The following TNNI3K variants were observed in gnomAD, a reference collection of about 807,000 sequenced individuals.
TNNI3K encodes serine/threonine-protein kinase TNNI3K.
In TNNI3K, 140 loss-of-function variants were observed where a neutral mutation model predicts 114.5. That is an observed-to-expected ratio of 1.22 (90% confidence interval 1.07 to 1.41). The LOEUF (loss-of-function observed/expected upper bound fraction) is 1.41. Ranked by LOEUF, TNNI3K falls within the 40% of genes most tolerant of loss-of-function variation. The pLI, the probability that TNNI3K is intolerant of heterozygous loss-of-function variation, is 0.00. For missense variants in TNNI3K, 1,125 were observed against 1,007.6 expected (o/e 1.12, Z -1.58); for synonymous variants, 347 against 347.5 (o/e 1.00, Z 0.02).
chr1:74,261,088 T>C (rs1482965740), intron 4 of TNNI3K, among the ~76,000 whole-genome samples: 1 of 152,092 alleles, frequency 6.6e-6, no homozygotes, highest in Non-Finnish European at 1.5e-5. Flanking sequence ...CAGCTTTTTC[T>C]TTGCTGCTTC....
chr1:74,257,759 C>T (rs1477849340), intron 4 of TNNI3K, among the ~76,000 whole-genome samples: 3 of 149,778 alleles, frequency 2.0e-5, no homozygotes, highest in Non-Finnish European at 4.4e-5. Flanking sequence ...AGCTCCGCCT[C>T]CCGGTTCAAG....
Position 74,409,773 on chromosome 1 carries a change from C to T in TNNI3K, c.1773-26307C>T, listed in dbSNP as rs141722968. On this transcript the variant is annotated intron_variant, in intron 17 of 24. Transcript: ENST00000326637. The stretch of plus-strand genomic sequence containing the variant: ...CCACCCAAAGTGCAGGGATTACAGG[C>T]GTGAGCCACCACGCCCACCTTTTCT... Among the ~76,000 whole-genome samples the T allele has an allele frequency of 5.7e-3, 866 of 152,194 alleles. 8 individuals are homozygous for T. The highest frequency in any genetic ancestry group is 0.02 in the African/African-American group (819 of 41,558).
At chr1:74,417,790 A>G (rs1557553664) in intron 17 of TNNI3K, among the ~76,000 whole-genome samples, 1 of 151,878 alleles carries the variant, frequency 6.6e-6, no homozygotes, top group Non-Finnish European at 1.5e-5. Flanking sequence ...GGAAGTAAAT[A>G]TCTCAAAATA....
intron 23 of TNNI3K, among the ~76,000 whole-genome samples, chr1:74,493,755 T>C (rs983757202): frequency 6.6e-6 from 1 of 152,200 alleles, no homozygotes; most frequent in African/African-American, 2.4e-5. Flanking sequence ...GGGTATATTC[T>C]TCTCACAGAC....
chr1:74,391,957 A>ATTATTTTTTTTTTTTTTTTTTTTTTT (rs1369570973), intron 17 of TNNI3K, among the ~76,000 whole-genome samples: 2 of 92,990 alleles, frequency 2.2e-5, no homozygotes, highest in Non-Finnish European at 2.2e-5. Flanking sequence ...ACAGCTTATT[A>ATTATTTTTTTTTTTTTTTTTTTTTTT]TTTTTTTTTT....
intron 23 of TNNI3K, among the ~76,000 whole-genome samples, chr1:74,527,724 G>A (rs1055541587): frequency 1.3e-5 from 2 of 152,202 alleles, no homozygotes; most frequent in Non-Finnish European, 2.9e-5. Flanking sequence ...AATCTGATTA[G>A]CATTTTAAAA....
intron 4 of TNNI3K, among the ~76,000 whole-genome samples, chr1:74,259,767 G>C (rs1655557002): frequency 6.6e-6 from 1 of 152,086 alleles, no homozygotes; most frequent in South Asian, 2.1e-4. Context: ...GCAAGACCCT[G>C]TCTCAAAAAC....
chr1:74,536,123 G>C (rs142206400), intron 23 of TNNI3K, among the ~76,000 whole-genome samples: 3 of 152,218 alleles, frequency 2.0e-5, no homozygotes, highest in African/African-American at 7.2e-5. Flanking sequence ...TTTGTAGGCT[G>C]TCTTACTCCT....
intron 11 of TNNI3K, among the ~76,000 whole-genome samples, chr1:74,354,617 AT>A (rs1661562482): frequency 6.6e-6 from 1 of 152,204 alleles, no homozygotes; most frequent in Non-Finnish European, 1.5e-5. Context: ...TAAGTATAAA[AT>A]TATCTGAGCT....
Position 74,413,285 on chromosome 1 carries a change from A to G in TNNI3K, c.1773-22795A>G, listed in dbSNP as rs191604784. Among the ~76,000 whole-genome samples, 3 of 152,358 alleles carry G rather than the reference A, an allele frequency of 2.0e-5. No homozygotes were observed. The East Asian group carries it at 5.8e-4, about 29-fold the overall frequency. Reference sequence around the variant, plus strand: ...TGAAACAAATGAGAAATTCCTGGATATTAGTATAGAACAACATTAAATATA... The same window carrying G: ...TGAAACAAATGAGAAATTCCTGGATGTTAGTATAGAACAACATTAAATATA... On this transcript the variant is annotated intron_variant, in intron 17 of 24. Coordinates refer to ENST00000326637, the MANE Select transcript of TNNI3K (RefSeq NM_015978.3).
rs1381391347 is a variant in TNNI3K at position 74,369,592 on chromosome 1, G to T, written c.1667+7G>T. The T allele has an allele frequency of 6.3e-7, 1 of 1,593,868 alleles. No homozygotes were observed. Among genetic ancestry groups the T allele is most frequent in the East Asian group, 2.2e-5 (1 of 44,668 alleles). On this transcript the variant is annotated splice_region_variant and intron_variant, in intron 16 of 24. Transcript: ENST00000326637. The stretch of plus-strand genomic sequence containing the variant: ...TCCTTCATGAGCAGAAGAGGTATGG[G>T]TCTTTTGTTCTGATTTATCCTTGGA...
intron 4 of TNNI3K, among the ~76,000 whole-genome samples, chr1:74,264,909 T>C (rs1177922870): frequency 6.6e-6 from 1 of 152,074 alleles, no homozygotes; most frequent in Non-Finnish European, 1.5e-5. Context: ...CATTATTTCA[T>C]TTGATCTTTA....
chr1:74,510,322 T>C (rs1246895283), intron 23 of TNNI3K, among the ~76,000 whole-genome samples: 1 of 151,902 alleles, frequency 6.6e-6, no homozygotes, highest in Non-Finnish European at 1.5e-5. Flanking sequence ...CTGGCTAACA[T>C]GGTGAAGCCC....
At chr1:74,358,939 G>GA (rs1661806517) in intron 11 of TNNI3K, among the ~76,000 whole-genome samples, 1 of 151,780 alleles carries the variant, frequency 6.6e-6, no homozygotes, top group Non-Finnish European at 1.5e-5. Flanking sequence ...GCATATATAT[G>GA]TATATATAAT....
chr1:74,492,143 C>T lies in TNNI3K; in HGVS notation c.2228C>T (p.Ser743Phe). 1 of 1,612,894 alleles carries T rather than the reference C, an allele frequency of 6.2e-7. No individual in the cohort carries two copies. ...SSNSSGSLSP[S>F]SSSDCLVNRG... Reference sequence around the variant, plus strand: ...AACAGCAGTGGGTCTCTCTCACCTTCTTCTTCTTCTGATTGCCTGGTGAAC... The same window carrying T: ...AACAGCAGTGGGTCTCTCTCACCTTTTTCTTCTTCTGATTGCCTGGTGAAC... Residue 743 changes from serine (S) to phenylalanine (F), a missense_variant, in exon 23 of 25, where the codon TCT becomes TTT. By Grantham distance (155) the Ser-to-Phe change is radical. Transcript: ENST00000326637.
At chr1:74,350,040 T>C (rs1365709183) in intron 9 of TNNI3K, among the ~76,000 whole-genome samples, 1 of 152,222 alleles carries the variant, frequency 6.6e-6, no homozygotes, top group African/African-American at 2.4e-5. Context: ...CTCTTGCTTC[T>C]CTAGTTCTTT....
chr1:74,412,459 G>A (rs763670644), intron 17 of TNNI3K, among the ~76,000 whole-genome samples: 1 of 152,268 alleles, frequency 6.6e-6, no homozygotes, highest in Non-Finnish European at 1.5e-5. Flanking sequence ...TACCATGTGA[G>A]AAGCCCAAGC....
At chr1:74,527,457 C>T (rs1248977277) in intron 23 of TNNI3K, among the ~76,000 whole-genome samples, 3 of 152,044 alleles carry the variant, frequency 2.0e-5, no homozygotes, top group South Asian at 2.1e-4. Flanking sequence ...ACAAGTCTGC[C>T]GTAAGGAGAC....
At chr1:74,471,704 A>G (rs1376163134) in intron 21 of TNNI3K, 4 of 402,420 alleles carry the variant, frequency 9.9e-6, no homozygotes, top group Non-Finnish European at 1.3e-5. Context: ...GGATCATGGA[A>G]GATAACCCTC....
Sources: gnomAD v4.1 joint callset for allele counts (sites outside exome capture counted in the v4.1 genomes callset) on GRCh38, gnomAD v4.1.1 for gene constraint, MANE v1.5 for transcripts, NCBI Gene and HGNC (gene_info 2026-07-23, HGNC 2026-07-21) for gene names.